Variants in KLRC2 observed in about 807,000 individuals in gnomAD.
KLRC2 encodes killer cell lectin like receptor C2.
A neutral mutation model predicts 25.5 loss-of-function variants in KLRC2; 10 were observed. The observed-to-expected ratio is 0.39, with a 90% confidence interval of 0.24 to 0.67. KLRC2 has a LOEUF of 0.67. KLRC2 is among the 30% of genes least tolerant of loss of function. The probability of loss-of-function intolerance (pLI) is 0.45; values close to 1 mark genes in which losing one functional copy is unlikely to be tolerated. For missense variants in KLRC2, 170 were observed against 272.8 expected (o/e 0.62, Z 2.65); for synonymous variants, 48 against 93.3 (o/e 0.51, Z 2.80).
rs577501746 is a variant in KLRC2 at position 10,433,665 on chromosome 12, T to C, written c.483+126A>G. ...TTAAAAACATTATTAAGTCAATCAA[T>C]TGAATATTACATACACTTGAAAATA... On this transcript the variant is annotated intron_variant, in intron 4 of 5. Coordinates refer to ENST00000381902, the MANE Select transcript of KLRC2 (RefSeq NM_002260.4). 3.5e-5 allele frequency: 37 copies of C among 1,044,762 alleles called. 1 individual carries two copies. The highest frequency in any genetic ancestry group is 4.5e-5 in the Non-Finnish European group (33 of 735,282). 64.7% of individuals were successfully genotyped at this position (1,044,762 alleles called of 1,614,324 possible).
Position 10,431,037 on chromosome 12 carries a change from C to A in KLRC2, c.*80G>T, listed in dbSNP as rs35342527. On this transcript the variant is annotated 3_prime_UTR_variant, in exon 6 of 6. Coordinates refer to ENST00000381902, the MANE Select transcript of KLRC2 (RefSeq NM_002260.4). ...CAGAGCAAATAACATAATTCATTTT[C>A]AGATTTATGCAATCATAATATTTCT... The A allele has an allele frequency of 2.4e-4, 285 of 1,184,470 alleles. 23 individuals carry two copies. Among genetic ancestry groups the A allele is most frequent in the Non-Finnish European group, 2.8e-4 (242 of 862,886 alleles). 73.4% of individuals were successfully genotyped at this position (1,184,470 alleles called of 1,614,324 possible). A position where few individuals can be genotyped will look rare whatever the true frequency, so the allele number is the denominator to read the frequency against.
In KLRC2 at chr12:10,431,032, AT is replaced by A. The variant is rs1863804849; in HGVS notation, c.*84del. ...TGTATCAGAGCAAATAACATAATTC[AT>A]TTTCAGATTTATGCAATCATAATAT... On this transcript the variant is annotated 3_prime_UTR_variant, in exon 6 of 6. Coordinates refer to ENST00000381902, the MANE Select transcript of KLRC2 (RefSeq NM_002260.4). The A allele has an allele frequency of 8.5e-7, 1 of 1,181,622 alleles. No individual in the cohort carries two copies. The highest frequency in any genetic ancestry group is 1.5e-5 in the South Asian group (1 of 65,758). 73.2% of individuals were successfully genotyped at this position (1,181,622 alleles called of 1,614,324 possible). A position where few individuals can be genotyped will look rare whatever the true frequency, so the allele number is the denominator to read the frequency against.
Position 10,433,897 on chromosome 12 carries a change from T to G in KLRC2, c.377A>C (p.Asn126Thr). 1 of 1,550,826 alleles carries G rather than the reference T, an allele frequency of 6.4e-7. No homozygotes were observed. The highest frequency in any genetic ancestry group is 8.8e-7 in the Non-Finnish European group (1 of 1,136,304). The change falls in exon 4 of 6, where the codon AAC becomes ACC. Residue 126 changes from asparagine to threonine, a missense_variant. This residue lies in a region of KLRC2 where 129 missense variants were observed against 150.2 expected (regional missense o/e 0.86). Coordinates refer to ENST00000381902, the MANE Select transcript of KLRC2 (RefSeq NM_002260.4). ...HCPEEWITYS[N>T]SCYYIGKERR... ...TTCCTTACCAATGTAATAACAACTG[T>G]TGGAATATGTAATCCACTCCTCAGG...
intron 4 of KLRC2, 42 bp downstream of exon 4, chr12:10,433,749 A>G (rs747100760): frequency 3.3e-6 from 5 of 1,518,518 alleles, no homozygotes; most frequent in Non-Finnish European, 4.5e-6. Flanking sequence ...TTATTCACTG[A>G]AGGAAGCTTT....
rs374205074 is a variant in KLRC2 at position 10,435,784 on chromosome 12, A to C, written c.187+16T>G. On this transcript the variant is annotated intron_variant, in intron 1 of 5. Coordinates refer to ENST00000381902, the MANE Select transcript of KLRC2 (RefSeq NM_002260.4). Reference sequence around the variant, plus strand: ...ATCCTAGAACAATAATATTGAAGATATATTTAATGTTTTACCTTGGCAGTC... The same window carrying C: ...ATCCTAGAACAATAATATTGAAGATCTATTTAATGTTTTACCTTGGCAGTC... 3 of 1,540,486 alleles carry C rather than the reference A, an allele frequency of 1.9e-6. No individual in the cohort carries two copies. Among genetic ancestry groups the C allele is most frequent in the Non-Finnish European group, 1.8e-6 (2 of 1,127,732 alleles).
At chr12:10,434,107 C>G in intron 3 of KLRC2, 165 bp from the exon 4 acceptor site, 1 of 1,154,558 alleles carries the variant, frequency 8.7e-7, no homozygotes. Context: ...TACACACATG[C>G]ACAGACAAGG....
chr12:10,432,586 T>G (rs1863826963), intron 4 of KLRC2, among the ~76,000 whole-genome samples: 1 of 138,528 alleles, frequency 7.2e-6, no homozygotes, highest in South Asian at 2.3e-4. Context: ...ATAGATGACA[T>G]GGAAGCTACA....
Position 10,431,672 on chromosome 12 carries a change from C to G in KLRC2, c.584+434G>C, listed in dbSNP as rs1225434740. Among the ~76,000 whole-genome samples the G allele has an allele frequency of 1.4e-5, 2 of 142,238 alleles. 1 individual carries two copies. The highest frequency in any genetic ancestry group is 1.4e-4 in the Admixed American group (2 of 14,518). 93.3% of individuals were successfully genotyped at this position (142,238 alleles called of 152,430 possible). A position where few individuals can be genotyped will look rare whatever the true frequency, so the allele number is the denominator to read the frequency against. ...ACAAGCACTGCAGTTCCCTGATAGT[C>G]CAGCTCGAGGTTGTCCAACTCGCTG... On this transcript the variant is annotated intron_variant, in intron 5 of 5. Transcript: ENST00000381902.
Position 10,430,938 on chromosome 12 carries a change from C to A in KLRC2, c.*179G>T, listed in dbSNP as rs1863803737. On this transcript the variant is annotated 3_prime_UTR_variant, in exon 6 of 6. Transcript: ENST00000381902. ...ACCATGTTGAGCAAAATGAGCCCGA[C>A]ACAAATGCTAGGATGTCTGTACTTT... 21 of 1,182,802 alleles carry A rather than the reference C, an allele frequency of 1.8e-5. 1 individual carries two copies. Among genetic ancestry groups the A allele is most frequent in the South Asian group, 3.6e-5 (2 of 55,748 alleles). The allele number at this position is 1,182,802 out of a possible 1,614,324, so 73.3% of individuals were successfully genotyped here.
At chr12:10,434,052 C>A in intron 3 of KLRC2, 110 bp from the exon 4 acceptor site, 5 of 1,401,250 alleles carry the variant, frequency 3.6e-6, no homozygotes, top group Non-Finnish European at 2.9e-6. Flanking sequence ...ATTTACGCAT[C>A]CTTACAGGCT....
At chr12:10,432,478 T>C (rs1401750295) in intron 4 of KLRC2, among the ~76,000 whole-genome samples, 1 of 99,704 alleles carries the variant, frequency 1.0e-5, no homozygotes, top group Non-Finnish European at 2.3e-5. Flanking sequence ...ATACTGTGCA[T>C]TCATTCCTCC....
chr12:10,435,951 A>T lies in KLRC2; in HGVS notation c.36T>A (p.Ser12Arg). The T allele has an allele frequency of 6.2e-7, 1 of 1,606,542 alleles. No individual in the cohort carries two copies. Among genetic ancestry groups the T allele is most frequent in the Non-Finnish European group, 8.5e-7 (1 of 1,176,628 alleles). ...NKQRGTFSEV[S>R]LAQDPKRQQR... ...GCTGCCGCTTTGGGTCCTGGGCCAGACTCACTTCTGAGAAGGTTCCTCTTT... is the reference window on the plus strand; with the variant it reads ...GCTGCCGCTTTGGGTCCTGGGCCAGTCTCACTTCTGAGAAGGTTCCTCTTT... The change falls in exon 1 of 6, where the codon AGT becomes AGA. Residue 12 changes from serine to arginine, a missense_variant. Physicochemically the swap from Ser to Arg is moderately radical, Grantham distance 110. This residue lies in a region of KLRC2 where 37 missense variants were observed against 68.0 expected (regional missense o/e 0.54). Coordinates refer to ENST00000381902, the MANE Select transcript of KLRC2 (RefSeq NM_002260.4).
chr12:10,433,665 T>G (rs577501746), intron 4 of KLRC2, 126 bp downstream of exon 4: 6 of 1,044,762 alleles, frequency 5.7e-6, no homozygotes, highest in Non-Finnish European at 8.2e-6. Context: ...AGTCAATCAA[T>G]TGAATATTAC....
At chr12:10,431,284 C>CA in intron 5 of KLRC2, 56 bp from the exon 6 acceptor site, 1 of 1,501,790 alleles carries the variant, frequency 6.7e-7, no homozygotes, top group East Asian at 2.5e-5. Context: ...ATTCATGAGA[C>CA]GAAAGCATTT....
rs572235936 is a variant in KLRC2, at chr12:10,430,725, T to C, written c.*392A>G. 7 of 162,648 alleles carry C rather than the reference T, an allele frequency of 4.3e-5. No individual in the cohort carries two copies. The South Asian group carries it at 9.2e-4, about 21-fold the overall frequency. The allele number at this position is 162,648 out of a possible 1,614,324, so 10.1% of individuals were successfully genotyped here. A position where few individuals can be genotyped will look rare whatever the true frequency, so the allele number is the denominator to read the frequency against. On this transcript the variant is annotated 3_prime_UTR_variant, in exon 6 of 6. Coordinates refer to ENST00000381902, the MANE Select transcript of KLRC2 (RefSeq NM_002260.4). Reference sequence around the variant, plus strand: ...GTTACAACCATCACCACTACTGAAATTTAGAAAGTTTTCATCACGACACAA... The same window carrying C: ...GTTACAACCATCACCACTACTGAAACTTAGAAAGTTTTCATCACGACACAA...
chr12:10,435,110 T>C, intron 2 of KLRC2: 1 of 1,021,032 alleles, frequency 9.8e-7, no homozygotes, highest in Non-Finnish European at 1.4e-6. Context: ...GTTTAGTTTC[T>C]TACTTTGAAA....
rs377445859 is a variant in KLRC2, at chr12:10,431,023, A to G, written c.*94T>C. On this transcript the variant is annotated 3_prime_UTR_variant, in exon 6 of 6. Transcript: ENST00000381902. ...TAGAATTTTTGTATCAGAGCAAATA[A>G]CATAATTCATTTTCAGATTTATGCA... is the stretch of plus-strand genomic sequence containing the variant. The G allele has an allele frequency of 9.5e-6, 11 of 1,159,038 alleles. 3 individuals carry two copies. The East Asian group carries it at 3.1e-4, about 32-fold the overall frequency. The allele number at this position is 1,159,038 out of a possible 1,614,324, so 71.8% of individuals were successfully genotyped here. A position where few individuals can be genotyped will look rare whatever the true frequency, so the allele number is the denominator to read the frequency against.
rs551460607 is a variant in KLRC2, at chr12:10,434,670, A to G, written c.287-140T>C. 2.8e-5 allele frequency: 15 copies of G among 539,158 alleles called. No individual in the cohort carries two copies. The South Asian group carries it at 3.7e-4, about 13-fold the overall frequency. The allele number at this position is 539,158 out of a possible 1,614,324, so 33.4% of individuals were successfully genotyped here. On this transcript the variant is annotated intron_variant, in intron 2 of 5. Coordinates refer to ENST00000381902, the MANE Select transcript of KLRC2 (RefSeq NM_002260.4). ...AATAAAATTAACTTTTTCTATAAAA[A>G]TATATAAAGTAATAGACCTTTGAAA...
intron 5 of KLRC2, 142 bp from the exon 6 acceptor site, chr12:10,431,370 C>T (rs1863812679): frequency 5.9e-6 from 6 of 1,009,018 alleles, no homozygotes; most frequent in African/African-American, 1.8e-5. Context: ...AGTCATTATT[C>T]TGAACACTCA....
Sources: gnomAD v4.1 joint callset for allele counts (sites outside exome capture counted in the v4.1 genomes callset) on GRCh38, gnomAD v4.1.1 for gene constraint, gnomAD v4.1.1 regional missense constraint, MANE v1.5 for transcripts, NCBI Gene and HGNC (gene_info 2026-07-23, HGNC 2026-07-21) for gene names.